VTI1A: variants seen among roughly 807,000 people sequenced by gnomAD.
VTI1A encodes vesicle transport through interaction with t-SNAREs 1A, also known as vesicle transport through interaction with t-SNAREs homolog 1A.
In VTI1A, 22 loss-of-function variants were observed where a neutral mutation model predicts 34.9. The observed-to-expected ratio is 0.63, with a 90% CI of 0.45 to 0.90. VTI1A has a LOEUF of 0.90. Among genes scored for constraint, VTI1A ranks in the 40% least tolerant of loss-of-function variants. VTI1A has a pLI of 0.00. For missense variants in VTI1A, 268 were observed against 275.6 expected (o/e 0.97, Z 0.20); for synonymous variants, 87 against 97.3 (o/e 0.89, Z 0.62).
chr10:112,760,776 G>T (rs763890053), intron 7 of VTI1A, among the ~76,000 whole-genome samples: 12 of 151,618 alleles, frequency 7.9e-5, no homozygotes, highest in Non-Finnish European at 1.3e-4. Flanking sequence ...GTAATCCCAG[G>T]TACCGGGGAG....
chr10:112,799,044 G>C (rs1852777173), intron 7 of VTI1A, among the ~76,000 whole-genome samples: 1 of 152,174 alleles, frequency 6.6e-6, no homozygotes. Context: ...TCTGGCTCCT[G>C]TTGACCCCTC....
At chr10:112,807,500 T>A (rs1853128158) in intron 7 of VTI1A, among the ~76,000 whole-genome samples, 1 of 152,120 alleles carries the variant, frequency 6.6e-6, no homozygotes, top group East Asian at 1.9e-4. Context: ...TGTCCTCTCT[T>A]AAGGACACCA....
At chr10:112,662,954 A>C (rs1232238014) in intron 5 of VTI1A, among the ~76,000 whole-genome samples, 1 of 152,186 alleles carries the variant, frequency 6.6e-6, no homozygotes. Flanking sequence ...CAAACAAAAC[A>C]TATTGTCAAT....
chr10:112,850,373 A>G, the VTI1A span, among the ~76,000 whole-genome samples: 1 of 151,474 alleles, frequency 6.6e-6, no homozygotes, highest in South Asian at 2.1e-4. Flanking sequence ...AAAAAAAAAG[A>G]AACAGCCTGA....
At chr10:112,479,593 C>G (rs1350520450) in intron 3 of VTI1A, among the ~76,000 whole-genome samples, 2 of 152,170 alleles carry the variant, frequency 1.3e-5, no homozygotes, top group African/African-American at 4.8e-5. Context: ...GAGAGCTGCA[C>G]CAAGAGATTA....
intron 7 of VTI1A, among the ~76,000 whole-genome samples, chr10:112,724,591 G>GT: frequency 6.6e-6 from 1 of 152,132 alleles, no homozygotes; most frequent in Non-Finnish European, 1.5e-5. Flanking sequence ...CATGCACCTA[G>GT]TAACCCTGCA....
At chr10:112,839,778 C>T in the VTI1A span, among the ~76,000 whole-genome samples, 1 of 152,204 alleles carries the variant, frequency 6.6e-6, no homozygotes, top group South Asian at 2.1e-4. Context: ...CAAAGCAGGG[C>T]CACTTCCCTC....
chr10:112,833,830 G>A, the VTI1A span, among the ~76,000 whole-genome samples: 1 of 152,148 alleles, frequency 6.6e-6, no homozygotes, highest in Non-Finnish European at 1.5e-5. Flanking sequence ...TCCCAAAGAA[G>A]GAGTATCCTT....
In VTI1A at chr10:112,447,340, G is replaced by A. The variant is rs370034836; in HGVS notation, c.-34G>A. ...CCCTCGAGGCCCTTTCCCTGACCTA[G>A]GCTTTGGCCTGGGCTACTCGTTCCG... On this transcript the variant is annotated 5_prime_UTR_variant, in exon 1 of 8. Transcript: ENST00000393077. 1 of 1,605,520 alleles carries A rather than the reference G, an allele frequency of 6.2e-7. No individual in the cohort carries two copies. The highest frequency in any genetic ancestry group is 1.3e-5 in the African/African-American group (1 of 74,650).
At chr10:112,454,309 C>T (rs2134018860) in intron 1 of VTI1A, among the ~76,000 whole-genome samples, 1 of 152,288 alleles carries the variant, frequency 6.6e-6, no homozygotes. Context: ...TATGCAAAGA[C>T]TTGTTTGTAC....
chr10:112,784,059 C>T (rs1000846285), intron 7 of VTI1A, among the ~76,000 whole-genome samples: 1 of 152,302 alleles, frequency 6.6e-6, no homozygotes, highest in Admixed American at 6.5e-5. Flanking sequence ...TAAAGCAGAA[C>T]ATTTAAACAC....
At chr10:112,828,852 A>AG in the VTI1A span, among the ~76,000 whole-genome samples, 42 of 143,914 alleles carry the variant, frequency 2.9e-4, no homozygotes, top group Non-Finnish European at 5.7e-4. Context: ...GTCTCAAAAA[A>AG]GAAAAAAAAA....
At chr10:112,638,957 C>G (rs1031001138) in intron 5 of VTI1A, among the ~76,000 whole-genome samples, 1 of 151,648 alleles carries the variant, frequency 6.6e-6, no homozygotes, top group African/African-American at 2.4e-5. Flanking sequence ...CATTTAAAAG[C>G]CTGTTTCTTT....
In VTI1A at chr10:112,597,337, C is replaced by T. The variant is rs180708032; in HGVS notation, c.427+59007C>T. On this transcript the variant is annotated intron_variant, in intron 5 of 7. Coordinates refer to ENST00000393077, the MANE Select transcript of VTI1A (RefSeq NM_145206.4). ...GGTTCAAGCGATTCTCTTGCCTCAG[C>T]CTCCTGAGTAACTGGGATTACAGGC... Among the ~76,000 whole-genome samples, 935 of 152,244 alleles carry T rather than the reference C, an allele frequency of 6.1e-3. 14 individuals carry two copies. The highest frequency in any genetic ancestry group is 0.022 in the African/African-American group (906 of 41,538).
At chr10:112,621,354 T>C (rs9645551) in intron 5 of VTI1A, among the ~76,000 whole-genome samples, 104,741 of 152,084 alleles carry the variant, frequency 0.69, 36,819 homozygotes, top group African/African-American at 0.81. Flanking sequence ...TCAATGTATT[T>C]GGTCACAGAC....
chr10:112,514,922 C>T (rs1377933403), intron 3 of VTI1A, among the ~76,000 whole-genome samples: 1 of 152,008 alleles, frequency 6.6e-6, no homozygotes, highest in Non-Finnish European at 1.5e-5. Flanking sequence ...TGAGTCTTGA[C>T]ATAAGTCCCT....
At chr10:112,538,200 T>G (rs775515227) in intron 4 of VTI1A, 46 bp from the exon 5 acceptor site, 4 of 1,546,292 alleles carry the variant, frequency 2.6e-6, no homozygotes, top group Admixed American at 1.7e-5. Context: ...AAAAAGAACA[T>G]TGTAGACGGC....
rs1264524674 is a variant in VTI1A, at chr10:112,682,063, GT to G, written c.560+13068del. ...CATAGCTTTTTAGGTCTTTTAATCT[GT>G]TTGTTCAAGGCCAAGCTATTTATAT... On this transcript the variant is annotated intron_variant, in intron 7 of 7. Coordinates refer to ENST00000393077, the MANE Select transcript of VTI1A (RefSeq NM_145206.4). 2.0e-5 allele frequency among the ~76,000 whole-genome samples: 3 copies of G among 152,088 alleles called. No homozygotes were observed. In the East Asian group the frequency reaches 5.8e-4, roughly 29 times the overall value.
chr10:112,575,097 T>G (rs752082798), intron 5 of VTI1A, among the ~76,000 whole-genome samples: 4 of 152,250 alleles, frequency 2.6e-5, no homozygotes, highest in Non-Finnish European at 4.4e-5. Context: ...TAGCATGCAA[T>G]TTCCATGACC....
Sources: allele counts gnomAD v4.1 joint callset (sites outside exome capture counted in the v4.1 genomes callset), GRCh38; gene constraint gnomAD v4.1.1; transcripts MANE v1.5; gene names NCBI Gene and HGNC (gene_info 2026-07-23, HGNC 2026-07-21).